Variants in HEATR5A observed in about 807,000 individuals in gnomAD.
The protein encoded by HEATR5A is HEAT repeat-containing protein 5A.
In HEATR5A, 178 loss-of-function variants were observed where a neutral mutation model predicts 218.8. That is an observed-to-expected ratio of 0.81 (90% CI 0.72 to 0.92). The LOEUF is 0.92. Among genes scored for constraint, HEATR5A ranks in the 40% least tolerant of loss-of-function variants. The probability of loss-of-function intolerance (pLI) is 0.00; values close to 1 mark genes in which losing one functional copy is unlikely to be tolerated. For synonymous variants in HEATR5A, 864 were observed against 871.6 expected (o/e 0.99, Z 0.15); for missense variants, 2,420 against 2,418.9 (o/e 1.00, Z -0.01).
At chr14:31,324,646 C>G (rs565906184) in intron 23 of HEATR5A, among the ~76,000 whole-genome samples, 12 of 149,586 alleles carry the variant, frequency 8.0e-5, no homozygotes, top group African/African-American at 2.7e-4. Context: ...ATTGAGACAC[C>G]AGGAAAATGT....
chr14:31,387,129 T>C lies in HEATR5A; in HGVS notation c.1180A>G (p.Lys394Glu), dbSNP rs1179566435. 1 of 1,613,996 alleles carries C rather than the reference T, an allele frequency of 6.2e-7. No homozygotes were observed. Among genetic ancestry groups the C allele is most frequent in the Non-Finnish European group, 8.5e-7 (1 of 1,179,874 alleles). ...DICQAIWKLK[K>E]VMDAVMSDGN... ...TAGTAGAGATCCATACCCATAACTT[T>C]CTTTAGCTTCCAGATGGCCTGGCAA... The change falls in exon 8 of 36, where the codon AAA becomes GAA. Residue 394 changes from lysine (K) to glutamate (E), a missense_variant. Physicochemically the swap from Lys to Glu is moderately conservative, Grantham distance 56 (BLOSUM62 1). Transcript: ENST00000543095.
At chr14:31,399,237 TGGTTAAATCCTAA>T (rs2030779227) in intron 3 of HEATR5A, among the ~76,000 whole-genome samples, 1 of 152,212 alleles carries the variant, frequency 6.6e-6, no homozygotes, top group Non-Finnish European at 1.5e-5. Context: ...ATCTATTCTG[TGGTTAAATCCTAA>T]GGCACGACAC....
At position 31,350,632 on chromosome 14, in the gene HEATR5A, A is replaced by G. The variant is rs1276664289; in HGVS notation, c.2497T>C (p.Ser833Pro). 3 of 1,587,618 alleles carry G rather than the reference A, an allele frequency of 1.9e-6. No homozygotes were observed. The African/African-American group carries it at 4.0e-5, about 21-fold the overall frequency. ...QQVVQLHVVS[S>P]VSSFLKYVAG... ...ATTACCTTCAAGAAACTAGAAACTG[A>G]AGAAACAACATGTAACTGAACCACT... Residue 833 changes from serine (S) to proline (P), a missense_variant, in exon 17 of 36, where the codon TCA becomes CCA. Ser to Pro is a moderately conservative substitution (Grantham distance 74, BLOSUM62 -1). Coordinates refer to ENST00000543095, the MANE Select transcript of HEATR5A (RefSeq NM_015473.4).
chr14:31,351,360 G>A (rs1207126768), intron 16 of HEATR5A, among the ~76,000 whole-genome samples: 2 of 151,952 alleles, frequency 1.3e-5, no homozygotes, highest in Non-Finnish European at 2.9e-5. Context: ...AGGCATAGTG[G>A]CACATGACTG....
intron 1 of HEATR5A, among the ~76,000 whole-genome samples, chr14:31,411,605 T>C (rs1433075088): frequency 6.6e-6 from 1 of 152,210 alleles, no homozygotes; most frequent in African/African-American, 2.4e-5. Context: ...GTCAGTTTTC[T>C]TCACCAGTTT....
intron 12 of HEATR5A, 99 bp downstream of exon 12, chr14:31,374,717 C>T: frequency 1.8e-6 from 2 of 1,115,708 alleles, no homozygotes; most frequent in Non-Finnish European, 1.2e-6. Flanking sequence ...TGGCATATCC[C>T]CCTGCCTCGT....
chr14:31,320,684 C>T (rs542522224), intron 25 of HEATR5A: 31 of 504,398 alleles, frequency 6.1e-5, no homozygotes, highest in Middle Eastern at 6.3e-4. Context: ...CAGCTTCCCC[C>T]ACCCGGAAAA....
chr14:31,358,688 GAACTAAT>G lies in HEATR5A; in HGVS notation c.2353_2359del (p.Ile785LeufsTer29). 1 of 1,613,922 alleles carries G rather than the reference GAACTAAT, an allele frequency of 6.2e-7. No homozygotes were observed. The highest frequency in any genetic ancestry group is 8.5e-7 in the Non-Finnish European group (1 of 1,179,876). On this transcript the variant is annotated frameshift_variant, in exon 16 of 36. Transcript: ENST00000543095. LOFTEE classifies it high-confidence loss of function. ...TACAACCCCAAAGAGCTTGGATGCA[GAACTAAT>G]AACTGATAGTGCTGGAGGTAAGGGC...
intron 21 of HEATR5A, among the ~76,000 whole-genome samples, chr14:31,340,962 G>A (rs1034115831): frequency 6.6e-6 from 1 of 152,142 alleles, no homozygotes; most frequent in Non-Finnish European, 1.5e-5. Flanking sequence ...AGTTTAGAAC[G>A]GAAGTTAAAG....
At chr14:31,410,453 G>C (rs1779394832) in intron 1 of HEATR5A, among the ~76,000 whole-genome samples, 1 of 152,126 alleles carries the variant, frequency 6.6e-6, no homozygotes, top group Admixed American at 6.5e-5. Flanking sequence ...TGTGATTTAG[G>C]CTTTGCAAAA....
intron 6 of HEATR5A, 145 bp downstream of exon 6, chr14:31,393,907 C>A (rs969558918): frequency 1.7e-6 from 1 of 575,070 alleles, no homozygotes; most frequent in Non-Finnish European, 2.9e-6. Context: ...CTTGGCCTCC[C>A]AAAGTGCTGG....
At chr14:31,359,961 T>C (rs1378879356) in intron 14 of HEATR5A, among the ~76,000 whole-genome samples, 2 of 151,838 alleles carry the variant, frequency 1.3e-5, no homozygotes, top group Non-Finnish European at 2.9e-5. Context: ...AGGCAGCACA[T>C]CATTTCATCC....
intron 16 of HEATR5A, among the ~76,000 whole-genome samples, chr14:31,356,393 T>C (rs1901428423): frequency 1.3e-5 from 2 of 152,126 alleles, no homozygotes; most frequent in Admixed American, 1.3e-4. Flanking sequence ...CACACCACCA[T>C]GCACAGCTAA....
chr14:31,339,660 T>C (rs927501398), intron 21 of HEATR5A, among the ~76,000 whole-genome samples: 3 of 152,092 alleles, frequency 2.0e-5, no homozygotes, highest in Admixed American at 2.0e-4. Flanking sequence ...TATAAGTATG[T>C]TCTGTTATAC....
intron 9 of HEATR5A, among the ~76,000 whole-genome samples, chr14:31,384,031 C>T (rs759527826): frequency 2.6e-5 from 4 of 151,968 alleles, no homozygotes; most frequent in East Asian, 3.8e-4. Context: ...AAATTAAGTC[C>T]GCGCACAAAA....
intron 23 of HEATR5A, among the ~76,000 whole-genome samples, chr14:31,325,689 T>C (rs1270479514): frequency 6.6e-6 from 1 of 151,616 alleles, no homozygotes; most frequent in East Asian, 1.9e-4. Context: ...AAAAAAAAAT[T>C]TTTTTTTGTA....
At chr14:31,322,492 T>G (rs979140343) in intron 24 of HEATR5A, among the ~76,000 whole-genome samples, 1 of 152,206 alleles carries the variant, frequency 6.6e-6, no homozygotes, top group Admixed American at 6.5e-5. Context: ...GTAATTCTTT[T>G]GTCTGGTAAA....
Position 31,374,965 on chromosome 14 carries a change from G to A in HEATR5A, c.1712C>T (p.Pro571Leu). ...LLISALMTLG[P>L]AVVSHHLARV... ...AGCAAGGTGATGGCTAACAACTGCA[G>A]GACCTGTAATTTATTCAACTTGTCA... Residue 571 changes from proline to leucine, a missense_variant, in exon 12 of 36, where the codon CCT (proline) becomes CTT (leucine). By Grantham distance (98) the Pro-to-Leu change is moderately conservative (BLOSUM62 -3). Transcript: ENST00000543095. The A allele has an allele frequency of 6.2e-7, 1 of 1,601,282 alleles. No individual in the cohort carries two copies. Among genetic ancestry groups the A allele is most frequent in the Non-Finnish European group, 8.5e-7 (1 of 1,174,354 alleles).
chr14:31,372,123 C>T (rs769463608), intron 12 of HEATR5A, among the ~76,000 whole-genome samples: 3 of 151,248 alleles, frequency 2.0e-5, no homozygotes, highest in Admixed American at 1.3e-4. Flanking sequence ...AGTACTAAGA[C>T]GGAGCAATAA....
Sources: allele counts gnomAD v4.1 joint callset (sites outside exome capture counted in the v4.1 genomes callset), GRCh38; gene constraint gnomAD v4.1.1; transcripts MANE v1.5; gene names NCBI Gene and HGNC (gene_info 2026-07-23, HGNC 2026-07-21).